PRR12: variants seen among roughly 807,000 people sequenced by gnomAD.
PRR12 encodes the protein proline rich 12.
A neutral mutation model predicts 138.0 loss-of-function variants in PRR12; 12 were observed. That is an observed-to-expected ratio of 0.09 (90% CI 0.06 to 0.14). PRR12 has a LOEUF of 0.14. Among genes scored for constraint, PRR12 ranks in the 10% least tolerant of loss-of-function variants. PRR12 has a pLI of 1.00. For synonymous variants in PRR12, 1,567 were observed against 1,291.7 expected, an observed-to-expected ratio of 1.21 and a Z score of -4.57; for missense variants, 2,692 against 2,861.3, an observed-to-expected ratio of 0.94 and a Z score of 1.35.
In PRR12 at chr19:49,615,852, ATC is replaced by A; in HGVS notation, c.5132_5133del (p.Ser1711Ter). ...AGCCTGAGACCCCTGAAAAGACGAC[ATC>A]TGAGAAGCCCCCAGAGCAGACTCCT... is the stretch of plus-strand genomic sequence containing the variant. ...PKPETPEKTT[S>X]EKPPEQTPET... On this transcript the variant is annotated frameshift_variant, in exon 9 of 14. Transcript: ENST00000418929. LOFTEE classifies it high-confidence loss of function. 1 of 1,606,406 alleles carries A rather than the reference ATC, an allele frequency of 6.2e-7. No individual in the cohort carries two copies. The highest frequency in any genetic ancestry group is 8.5e-7 in the Non-Finnish European group (1 of 1,176,748).
Position 49,596,807 on chromosome 19 carries a change from T to TGAGCCAGCCACCCGC in PRR12, c.2475_2489dup (p.Glu825_Arg829dup), listed in dbSNP as rs1264291785. 63 of 1,599,664 alleles carry TGAGCCAGCCACCCGC rather than the reference T, an allele frequency of 3.9e-5. No individual in the cohort carries two copies. Among genetic ancestry groups the TGAGCCAGCCACCCGC allele is most frequent in the Non-Finnish European group, 5.2e-5 (61 of 1,179,066 alleles). On this transcript the variant is annotated inframe_insertion, in exon 4 of 14. Coordinates refer to ENST00000418929, the MANE Select transcript of PRR12 (RefSeq NM_020719.3). The surrounding 1 kb of genome is among the most constrained non-coding windows in gnomAD (Gnocchi z 5.6). Reference sequence around the variant, plus strand: ...CCTCCAAAGTCGGCGTCCACCTCCTTGAGCCAGCCACCCGCGATGGGGCAC... The same window carrying TGAGCCAGCCACCCGC: ...CCTCCAAAGTCGGCGTCCACCTCCTTGAGCCAGCCACCCGCGAGCCAGCCACCCGCGATGGGGCAC...
chr19:49,597,399 G>A lies in PRR12; in HGVS notation c.3064G>A (p.Val1022Ile). 2.0e-6 allele frequency: 3 copies of A among 1,537,680 alleles called. No individual in the cohort carries two copies. Among genetic ancestry groups the A allele is most frequent in the African/African-American group, 2.7e-5 (2 of 73,090 alleles). Residue 1022 changes from valine to isoleucine, a missense_variant, in exon 4 of 14, where the codon GTC becomes ATC. Val to Ile is a conservative substitution (Grantham distance 29). Around this residue, in one of 11 missense-constraint regions of PRR12, gnomAD observed 840 missense variants for 689.8 expected, o/e 1.22. Coordinates refer to ENST00000418929, the MANE Select transcript of PRR12 (RefSeq NM_020719.3). The surrounding 1 kb of genome is among the most constrained non-coding windows in gnomAD (Gnocchi z 6.3). ...CAAACCGCCTGAACTGCCCTCCACG[G>A]TCAACGCCGAGCCGCTGGGCCTGAT... Reference protein sequence around the residue: ...PNKPPELPSTVNAEPLGLIQS... With the variant: ...PNKPPELPSTINAEPLGLIQS...
At position 49,591,699 on chromosome 19, in the gene PRR12, C is replaced by T. The variant is rs377589453; in HGVS notation, c.45C>T (p.Gly15=). ...YPSAGFGDPL[G]AGAGWSYERS... is the part of the protein sequence containing the mutation. ...GCGCCGGCTTCGGGGACCCGCTCGG[C>T]GCCGGGGCGGGATGGAGTTACGAGA... The change falls in exon 1 of 14, where the codon GGC becomes GGT. Residue 15 remains glycine, a synonymous_variant. Transcript: ENST00000418929. 6 of 1,497,562 alleles carry T rather than the reference C, an allele frequency of 4.0e-6. No homozygotes were observed. The African/African-American group carries it at 7.4e-5, about 18-fold the overall frequency. The allele number at this position is 1,497,562 out of a possible 1,614,324, so 92.8% of individuals were successfully genotyped here.
chr19:49,596,864 A>ACCCC lies in PRR12; in HGVS notation c.2531_2532insCCCC (p.Met846ThrfsTer92). The ACCCC allele has an allele frequency of 8.7e-7, 1 of 1,145,066 alleles. No homozygotes were observed. Among genetic ancestry groups the ACCCC allele is most frequent in the Non-Finnish European group, 1.2e-6 (1 of 845,668 alleles). 70.9% of individuals were successfully genotyped at this position (1,145,066 alleles called of 1,614,324 possible). A position where few individuals can be genotyped will look rare whatever the true frequency, so the allele number is the denominator to read the frequency against. ...CACCTCCACCGCCACCCCCGCCTCC[A>ACCCC]CCACCCATGCCCCTGCAGCTCGAGG... On this transcript the variant is annotated frameshift_variant, in exon 4 of 14. Transcript: ENST00000418929. LOFTEE classifies it high-confidence loss of function. The surrounding 1 kb of genome is among the most constrained non-coding windows in gnomAD (Gnocchi z 5.6).
rs528769278 is a variant in PRR12 at position 49,620,473 on chromosome 19, G to A, written c.5619G>A (p.Thr1873=). The change falls in exon 10 of 14, where the codon ACG becomes ACA. Residue 1873 remains threonine, a synonymous_variant. Coordinates refer to ENST00000418929, the MANE Select transcript of PRR12 (RefSeq NM_020719.3). ...DPDMIQALED[T]HDELYLPPMR... Reference sequence around the variant, plus strand: ...ACATGATCCAGGCCCTGGAGGACACGCATGGTGAGCTGAGGCCTGGGGAGG... The same window carrying A: ...ACATGATCCAGGCCCTGGAGGACACACATGGTGAGCTGAGGCCTGGGGAGG... The A allele has an allele frequency of 3.6e-5, 56 of 1,557,602 alleles. No individual in the cohort carries two copies. The East Asian group carries it at 4.4e-4, about 12-fold the overall frequency.
intron 11 of PRR12, among the ~76,000 whole-genome samples, chr19:49,622,865 CT>C (rs1446191302): frequency 7.2e-6 from 1 of 139,796 alleles, no homozygotes; most frequent in African/African-American, 2.8e-5. Flanking sequence ...GCACTCCAGC[CT>C]GGGCGACAGA....
At chr19:49,618,204 T>G (rs1599801430) in intron 9 of PRR12, among the ~76,000 whole-genome samples, 1 of 151,856 alleles carries the variant, frequency 6.6e-6, no homozygotes, top group Non-Finnish European at 1.5e-5. Context: ...GTTGCTGGGG[T>G]CATGACCCCT....
Position 49,596,345 on chromosome 19 carries a change from C to G in PRR12, c.2010C>G (p.Ala670=), listed in dbSNP as rs746064145. The change falls in exon 4 of 14, where the codon GCC becomes GCG. Residue 670 remains alanine (A), a synonymous_variant. Transcript: ENST00000418929. This position sits in a 1 kb window ranked among gnomAD's most constrained non-coding sequence, Gnocchi z 5.6. Reference sequence around the variant, plus strand: ...TGGGCGAGGACGGGGCAGCAGATGCCTCTAAGGGACTTGGGGGGAGTGGCG... The same window carrying G: ...TGGGCGAGGACGGGGCAGCAGATGCGTCTAAGGGACTTGGGGGGAGTGGCG... ...GLVGEDGAAD[A]SKGLGGSGGA... is the part of the protein sequence containing the mutation. 1 of 1,609,820 alleles carries G rather than the reference C, an allele frequency of 6.2e-7. No homozygotes were observed. The highest frequency in any genetic ancestry group is 1.3e-5 in the African/African-American group (1 of 74,988).
In PRR12 at chr19:49,614,183, G is replaced by A. The variant is rs2080880167; in HGVS notation, c.4774-350G>A. Among the ~76,000 whole-genome samples, 1 of 152,122 alleles carries A rather than the reference G, an allele frequency of 6.6e-6. No individual in the cohort carries two copies. Among genetic ancestry groups the A allele is most frequent in the Non-Finnish European group, 1.5e-5 (1 of 68,032 alleles). On this transcript the variant is annotated intron_variant, in intron 6 of 13. Transcript: ENST00000418929. This position sits in a 1 kb window ranked among gnomAD's most constrained non-coding sequence, Gnocchi z 5.0. ...ACAACAGGACGTCTTGCTCACAACC[G>A]TACTCTCCTGTCCAGCACAGTAAAT... is the stretch of plus-strand genomic sequence containing the variant.
intron 10 of PRR12, 124 bp downstream of exon 10, chr19:49,620,601 A>G (rs2080917054): frequency 7.4e-7 from 1 of 1,359,480 alleles, no homozygotes; most frequent in East Asian, 2.5e-5. Flanking sequence ...CTGAGGGAAG[A>G]GGAGCTGAGG....
At chr19:49,605,998 T>C (rs1322743748) in intron 6 of PRR12, among the ~76,000 whole-genome samples, 2 of 151,932 alleles carry the variant, frequency 1.3e-5, no homozygotes, top group Non-Finnish European at 2.9e-5. Context: ...CTTATTATTA[T>C]TTTTTTTGTG....
chr19:49,599,234 G>A lies in PRR12; in HGVS notation c.3679-38G>A. On this transcript the variant is annotated intron_variant, in intron 4 of 13. Coordinates refer to ENST00000418929, the MANE Select transcript of PRR12 (RefSeq NM_020719.3). The surrounding 1 kb of genome is among the most constrained non-coding windows in gnomAD (Gnocchi z 5.0). Reference sequence around the variant, plus strand: ...AGGGAGGATGGGACTGGGGGCCCAGGCTACTGGGCCCTCACGGCCCGCCAC... The same window carrying A: ...AGGGAGGATGGGACTGGGGGCCCAGACTACTGGGCCCTCACGGCCCGCCAC... 8 of 1,505,146 alleles carry A rather than the reference G, an allele frequency of 5.3e-6. No individual in the cohort carries two copies. The highest frequency in any genetic ancestry group is 1.3e-5 in the South Asian group (1 of 75,700). The allele number at this position is 1,505,146 out of a possible 1,614,324, so 93.2% of individuals were successfully genotyped here.
chr19:49,623,506 C>T lies in PRR12; in HGVS notation c.5722-1338C>T, dbSNP rs1262278827. Among the ~76,000 whole-genome samples, 4 of 151,998 alleles carry T rather than the reference C, an allele frequency of 2.6e-5. No homozygotes were observed. The East Asian group carries it at 7.7e-4, about 29-fold the overall frequency. ...AATTAGCCGGGTGTGGTGGTGGGTG[C>T]CTGTAGTCCCAGCTACTCGCGAGGC... On this transcript the variant is annotated intron_variant, in intron 11 of 13. Coordinates refer to ENST00000418929, the MANE Select transcript of PRR12 (RefSeq NM_020719.3).
At chr19:49,621,980 C>T (rs945420041) in intron 11 of PRR12, among the ~76,000 whole-genome samples, 1 of 152,158 alleles carries the variant, frequency 6.6e-6, no homozygotes, top group Admixed American at 6.6e-5. Flanking sequence ...TCCCAGGCTT[C>T]AGTGTTAAGT....
intron 2 of PRR12, among the ~76,000 whole-genome samples, chr19:49,593,804 C>G (rs1441167021): frequency 6.6e-6 from 1 of 152,146 alleles, no homozygotes; most frequent in African/African-American, 2.4e-5. Flanking sequence ...TTCCTGATTC[C>G]CTTTCTTCCT....
chr19:49,613,918 G>A (rs1316737290), intron 6 of PRR12, among the ~76,000 whole-genome samples: 1 of 152,124 alleles, frequency 6.6e-6, no homozygotes, highest in Non-Finnish European at 1.5e-5. Flanking sequence ...AGACCAGCCC[G>A]ACCAACATGG....
At chr19:49,601,469 C>T (rs1445783786) in intron 5 of PRR12, 22 bp from the exon 6 acceptor site, 3 of 1,377,230 alleles carry the variant, frequency 2.2e-6, no homozygotes, top group South Asian at 1.3e-5. Flanking sequence ...ACATCCAGGC[C>T]TGATGTCCCT....
intron 4 of PRR12, among the ~76,000 whole-genome samples, chr19:49,598,285 A>C (rs28720835): frequency 1.3e-5 from 2 of 151,822 alleles, no homozygotes; most frequent in Non-Finnish European, 2.9e-5. Flanking sequence ...CGTATTAGTC[A>C]GGATGGTCTC....
Position 49,605,068 on chromosome 19 carries a change from C to T in PRR12, c.4773+3150C>T, listed in dbSNP as rs530161570. 4.6e-5 allele frequency among the ~76,000 whole-genome samples: 7 copies of T among 152,118 alleles called. No individual in the cohort carries two copies. The South Asian group carries it at 1.5e-3, about 32-fold the overall frequency. ...GTTTCACCATGTTGGCCAGGCTGGTCTCAAACTCCTGACCTCGGGTGATCC... is the reference window on the plus strand; with the variant it reads ...GTTTCACCATGTTGGCCAGGCTGGTTTCAAACTCCTGACCTCGGGTGATCC... On this transcript the variant is annotated intron_variant, in intron 6 of 13. Transcript: ENST00000418929.
Sources: gnomAD v4.1 joint callset for allele counts (sites outside exome capture counted in the v4.1 genomes callset) on GRCh38, gnomAD v4.1.1 for gene constraint, gnomAD v4.1.1 regional missense constraint, Gnocchi (gnomAD v3.1) non-coding constraint, MANE v1.5 for transcripts, NCBI Gene and HGNC (gene_info 2026-07-23, HGNC 2026-07-21) for gene names.